The following COPG2 variants were observed in gnomAD, a reference collection of about 807,000 sequenced individuals.
COPG2 encodes the protein coat protein complex I subunit gamma 2, also known as coatomer subunit gamma-2.
Under a neutral mutation model 46.3 loss-of-function variants are expected in COPG2, and 37 were observed. The observed-to-expected ratio is 0.80, with a 90% confidence interval of 0.61 to 1.05. The LOEUF is 1.05. COPG2 is among the 50% of genes least tolerant of loss of function. The pLI is 0.00. For synonymous variants in COPG2, 159 were observed against 129.7 expected, an observed-to-expected ratio of 1.23 and a Z score of -1.53; for missense variants, 427 against 387.8, an observed-to-expected ratio of 1.10 and a Z score of -0.85.
At chr7:130,582,843 A>G (rs1307015248) in intron 9 of COPG2, among the ~76,000 whole-genome samples, 2 of 151,890 alleles carry the variant, frequency 1.3e-5, no homozygotes, top group African/African-American at 2.4e-5. Context: ...AAAAGTCAGG[A>G]AACAACAGGT....
intron 5 of COPG2, among the ~76,000 whole-genome samples, chr7:130,639,174 G>A (rs782785847): frequency 5.9e-5 from 9 of 152,094 alleles, no homozygotes; most frequent in Non-Finnish European, 8.8e-5. Context: ...GTTCCTATTC[G>A]GCCATCTTGC....
At position 130,564,264 on chromosome 7, in the gene COPG2, A is replaced by C. The variant is rs1793766238; in HGVS notation, c.867T>G (p.Val289=). 1 of 398,464 alleles carries C rather than the reference A, an allele frequency of 2.5e-6. No homozygotes were observed. The highest frequency in any genetic ancestry group is 2.1e-5 in the African/African-American group (1 of 48,636). 24.7% of individuals were successfully genotyped at this position (398,464 alleles called of 1,614,324 possible). Residue 289 remains valine (V), a synonymous_variant, in exon 10 of 24, where the codon GTT becomes GTG. Transcript: ENST00000425248. ...NCTARELAPA[V]SVLQLFCSSP... ...GCCATCAAATATAAAACAAACCTGA[A>C]ACAGCAGGTGCCAACTCTCTTGCAG... is the stretch of plus-strand genomic sequence containing the variant.
chr7:130,513,620 A>G (rs1554441364), intron 20 of COPG2, among the ~76,000 whole-genome samples: 1 of 152,038 alleles, frequency 6.6e-6, no homozygotes, highest in African/African-American at 2.4e-5. Flanking sequence ...TGATGTTTGA[A>G]GCAACAAGTG....
intron 20 of COPG2, among the ~76,000 whole-genome samples, chr7:130,544,570 T>G (rs1161715867): frequency 7.2e-5 from 11 of 152,150 alleles, no homozygotes; most frequent in African/African-American, 2.7e-4. Context: ...ATAAAAGCAA[T>G]ATAAAGATTA....
intron 17 of COPG2, among the ~76,000 whole-genome samples, chr7:130,549,706 A>G (rs1793505472): frequency 6.6e-6 from 1 of 152,238 alleles, no homozygotes; most frequent in Non-Finnish European, 1.5e-5. Context: ...TACTTATATC[A>G]ACAGAAAAAC....
chr7:130,531,487 C>T (rs888000770), intron 20 of COPG2, among the ~76,000 whole-genome samples: 1 of 151,804 alleles, frequency 6.6e-6, no homozygotes, highest in Admixed American at 6.6e-5. Context: ...CCCAGAAGAA[C>T]AGGTGGAGGC....
intron 20 of COPG2, among the ~76,000 whole-genome samples, chr7:130,535,001 C>T (rs970910591): frequency 1.6e-4 from 24 of 152,214 alleles, no homozygotes; most frequent in African/African-American, 4.3e-4. Flanking sequence ...TAAGGGAAGG[C>T]GCTGGCCTGA....
chr7:130,565,253 CAT>C (rs1225882779), intron 9 of COPG2, among the ~76,000 whole-genome samples: 3 of 152,172 alleles, frequency 2.0e-5, no homozygotes, highest in African/African-American at 7.2e-5. Flanking sequence ...CACGCCCCAA[CAT>C]ACACAGCACC....
At chr7:130,626,905 A>T (rs1795130409) in intron 5 of COPG2, among the ~76,000 whole-genome samples, 1 of 152,114 alleles carries the variant, frequency 6.6e-6, no homozygotes, top group Admixed American at 6.5e-5. Flanking sequence ...CTAGCCTCTG[A>T]GACAGGGTCG....
At chr7:130,551,434 G>T in intron 15 of COPG2, 90 bp from the exon 16 acceptor site, 1 of 394,452 alleles carries the variant, frequency 2.5e-6, no homozygotes. Context: ...AGCTCAGGTC[G>T]TCATCTGATA....
chr7:130,632,820 G>A (rs1795256285), intron 5 of COPG2, among the ~76,000 whole-genome samples: 1 of 151,944 alleles, frequency 6.6e-6, no homozygotes, highest in South Asian at 2.1e-4. Flanking sequence ...AGGTATACAT[G>A]TGCCACGGTG....
At chr7:130,610,060 T>C (rs1554451798) in intron 9 of COPG2, 1 of 518,392 alleles carries the variant, frequency 1.9e-6, no homozygotes, top group Admixed American at 2.0e-5. Context: ...CATCTGTAAG[T>C]CAGCTTCTAC....
intron 9 of COPG2, among the ~76,000 whole-genome samples, chr7:130,585,027 G>C (rs1563050464): frequency 6.6e-6 from 1 of 151,892 alleles, no homozygotes; most frequent in African/African-American, 2.4e-5. Context: ...TAAGCTAAAA[G>C]AACAAATCTG....
chr7:130,529,493 G>A (rs1017503209), intron 20 of COPG2, among the ~76,000 whole-genome samples: 62 of 152,274 alleles, frequency 4.1e-4, no homozygotes, highest in African/African-American at 1.4e-3. Flanking sequence ...TCTCAACATT[G>A]GTAAAGGGGC....
At chr7:130,524,988 T>C (rs1162543269) in intron 20 of COPG2, among the ~76,000 whole-genome samples, 2 of 151,538 alleles carry the variant, frequency 1.3e-5, no homozygotes, top group East Asian at 1.9e-4. Flanking sequence ...GAAGGAAGAA[T>C]TGGATGCTGA....
chr7:130,656,250 A>G (rs1192781794), intron 4 of COPG2, among the ~76,000 whole-genome samples: 1 of 151,828 alleles, frequency 6.6e-6, no homozygotes, highest in African/African-American at 2.4e-5. Flanking sequence ...AGAGAAAAAT[A>G]ATTAATTTTT....
At chr7:130,541,425 G>A (rs1333427928) in intron 20 of COPG2, among the ~76,000 whole-genome samples, 1 of 151,998 alleles carries the variant, frequency 6.6e-6, no homozygotes, top group Admixed American at 6.6e-5. Flanking sequence ...GGAGGTGGGA[G>A]GAGGGTGGGA....
At chr7:130,546,289 A>G (rs1793442356) in intron 20 of COPG2, among the ~76,000 whole-genome samples, 1 of 152,214 alleles carries the variant, frequency 6.6e-6, no homozygotes, top group Non-Finnish European at 1.5e-5. Context: ...AAAAAGGTAA[A>G]TAAAACTAGC....
At chr7:130,525,371 T>TGC (rs1243895685) in intron 20 of COPG2, among the ~76,000 whole-genome samples, 21 of 152,272 alleles carry the variant, frequency 1.4e-4, no homozygotes, top group African/African-American at 4.8e-4. Flanking sequence ...CCCAGGAATA[T>TGC]GCGGAACTAG....
Sources: allele counts gnomAD v4.1 joint callset (sites outside exome capture counted in the v4.1 genomes callset), GRCh38; gene constraint gnomAD v4.1.1; transcripts MANE v1.5; gene names NCBI Gene and HGNC (gene_info 2026-07-23, HGNC 2026-07-21).